Variants in GALNT13 observed in about 807,000 individuals in gnomAD.
The protein encoded by GALNT13 is UDP-GalNAc:polypeptide N-acetylgalactosaminyltransferase 13.
Under a neutral mutation model 64.2 loss-of-function variants are expected in GALNT13, and 28 were observed. The observed-to-expected ratio is 0.44, with a 90% CI of 0.32 to 0.60. The LOEUF is 0.60. GALNT13 is among the 20% of genes least tolerant of loss of function. The probability of loss-of-function intolerance (pLI) is 0.05; values close to 1 mark genes in which losing one functional copy is unlikely to be tolerated. For missense variants in GALNT13, 577 were observed against 669.8 expected (o/e 0.86, Z 1.53); for synonymous variants, 214 against 224.6 (o/e 0.95, Z 0.42).
the GALNT13 span, among the ~76,000 whole-genome samples, chr2:153,795,541 T>C: frequency 6.6e-6 from 1 of 152,076 alleles, no homozygotes; most frequent in East Asian, 1.9e-4. Flanking sequence ...TTTTTGTTCC[T>C]TTTCTTTAGC....
At chr2:154,183,986 G>C (rs1423921285) in intron 4 of GALNT13, among the ~76,000 whole-genome samples, 1 of 151,794 alleles carries the variant, frequency 6.6e-6, no homozygotes, top group African/African-American at 2.4e-5. Context: ...GTCTTGCTGT[G>C]TTGCCAAGGC....
chr2:153,961,152 A>G (rs1412559484), intron 3 of GALNT13, among the ~76,000 whole-genome samples: 1 of 152,200 alleles, frequency 6.6e-6, no homozygotes, highest in Non-Finnish European at 1.5e-5. Flanking sequence ...TATCCAAGAA[A>G]CATTACTTGA....
intron 9 of GALNT13, among the ~76,000 whole-genome samples, chr2:154,382,787 GT>G (rs11307476): frequency 0.4 from 59,878 of 149,604 alleles, 12,112 homozygotes; most frequent in African/African-American, 0.47. Context: ...CTCTTAAAAC[GT>G]TTTTTTTTTT....
At chr2:154,280,356 G>C (rs1005764523) in intron 8 of GALNT13, among the ~76,000 whole-genome samples, 1 of 152,040 alleles carries the variant, frequency 6.6e-6, no homozygotes, top group Non-Finnish European at 1.5e-5. Context: ...CATTGTGCTT[G>C]ACAACACACA....
chr2:154,120,773 G>GGGAA (rs1681895239), intron 3 of GALNT13, among the ~76,000 whole-genome samples: 1 of 152,090 alleles, frequency 6.6e-6, no homozygotes, highest in African/African-American at 2.4e-5. Context: ...ATTTTTGAAG[G>GGGAA]CAACTAGGTC....
chr2:154,260,542 G>T (rs935193438), intron 8 of GALNT13, among the ~76,000 whole-genome samples: 1 of 151,976 alleles, frequency 6.6e-6, no homozygotes. Context: ...TATTATTTTT[G>T]CATTTGTCTA....
the GALNT13 span, among the ~76,000 whole-genome samples, chr2:153,364,440 A>G: frequency 3.9e-5 from 6 of 152,210 alleles, no homozygotes; most frequent in Non-Finnish European, 8.8e-5. Flanking sequence ...AAAGGAAGCC[A>G]AATTGTCTTT....
chr2:153,808,339 G>A, the GALNT13 span, among the ~76,000 whole-genome samples: 11 of 151,948 alleles, frequency 7.2e-5, no homozygotes, highest in Non-Finnish European at 1.2e-4. Flanking sequence ...CATACCATAA[G>A]CCTAGAGGTA....
At chr2:153,145,358 T>C in the GALNT13 span, among the ~76,000 whole-genome samples, 1 of 151,974 alleles carries the variant, frequency 6.6e-6, no homozygotes, top group Non-Finnish European at 1.5e-5. Flanking sequence ...AAAAATTGTA[T>C]TAATTCTGAA....
chr2:153,380,188 T>C, the GALNT13 span, among the ~76,000 whole-genome samples: 1 of 152,164 alleles, frequency 6.6e-6, no homozygotes, highest in African/African-American at 2.4e-5. Context: ...AAATGGATGG[T>C]TGCACCTGTA....
chr2:153,128,902 A>G, the GALNT13 span, among the ~76,000 whole-genome samples: 1 of 152,070 alleles, frequency 6.6e-6, no homozygotes, highest in African/African-American at 2.4e-5. Context: ...AGATTTACTC[A>G]CTATCATGAG....
At chr2:153,796,126 A>G in the GALNT13 span, among the ~76,000 whole-genome samples, 1 of 152,180 alleles carries the variant, frequency 6.6e-6, no homozygotes, top group Non-Finnish European at 1.5e-5. Context: ...CCTTTGTGTG[A>G]AGATGATTAG....
chr2:153,902,092 G>A (rs1447625688), intron 2 of GALNT13, among the ~76,000 whole-genome samples: 2 of 152,004 alleles, frequency 1.3e-5, no homozygotes, highest in South Asian at 4.2e-4. Context: ...ATTCTTTCAC[G>A]TTAGCCATCC....
At chr2:154,025,737 T>G (rs980084357) in intron 3 of GALNT13, among the ~76,000 whole-genome samples, 2 of 152,204 alleles carry the variant, frequency 1.3e-5, no homozygotes, top group South Asian at 4.1e-4. Flanking sequence ...GGAAGATGTG[T>G]GTCTTGAGGA....
chr2:153,429,374 C>G, the GALNT13 span, among the ~76,000 whole-genome samples: 1 of 152,030 alleles, frequency 6.6e-6, no homozygotes, highest in Non-Finnish European at 1.5e-5. Context: ...GAATTGAATA[C>G]CTTTTAATAT....
chr2:153,278,199 C>T, the GALNT13 span, among the ~76,000 whole-genome samples: 1 of 151,922 alleles, frequency 6.6e-6, no homozygotes, highest in Admixed American at 6.6e-5. Flanking sequence ...TCCCAAAGTG[C>T]TGGGATTACA....
At chr2:154,228,013 G>A (rs1688714767) in intron 4 of GALNT13, among the ~76,000 whole-genome samples, 1 of 152,050 alleles carries the variant, frequency 6.6e-6, no homozygotes, top group South Asian at 2.1e-4. Context: ...AAACATAGCA[G>A]TCCTACGTGT....
At chr2:153,139,023 C>T in the GALNT13 span, among the ~76,000 whole-genome samples, 1 of 152,016 alleles carries the variant, frequency 6.6e-6, no homozygotes, top group Non-Finnish European at 1.5e-5. Flanking sequence ...TTCATAAATG[C>T]TTTATTCCAA....
the GALNT13 span, among the ~76,000 whole-genome samples, chr2:153,682,587 G>T: frequency 6.6e-6 from 1 of 151,644 alleles, no homozygotes. Context: ...CCTTGGAAAA[G>T]AATATTCAAC....
Sources: gnomAD v4.1 joint callset for allele counts (sites outside exome capture counted in the v4.1 genomes callset) on GRCh38, gnomAD v4.1.1 for gene constraint, MANE v1.5 for transcripts, NCBI Gene and HGNC (gene_info 2026-07-23, HGNC 2026-07-21) for gene names.